CREB5: variants seen among roughly 807,000 people sequenced by gnomAD.
The protein encoded by CREB5 is cAMP responsive element binding protein 5, also known as cyclic AMP-responsive element-binding protein 5.
A neutral mutation model predicts 57.1 loss-of-function variants in CREB5; 19 were observed. The observed-to-expected ratio is 0.33, with a 90% CI of 0.23 to 0.49. CREB5 has a LOEUF of 0.49. Ranked by LOEUF, CREB5 falls within the 20% of genes least tolerant of loss-of-function variation. CREB5 has a pLI of 0.99. For missense variants in CREB5, 579 were observed against 671.6 expected (o/e 0.86, Z 1.52); for synonymous variants, 238 against 238.3 (o/e 1.00, Z 0.01).
rs534132989 is a variant in CREB5, at chr7:28,717,818, G to A, written c.465-935G>A. Among the ~76,000 whole-genome samples, 5 of 152,244 alleles carry A rather than the reference G, an allele frequency of 3.3e-5. No individual in the cohort carries two copies. In the South Asian group the frequency reaches 1.0e-3, roughly 32 times the overall value. The stretch of plus-strand genomic sequence containing the variant: ...TTTTGTTTTGTTTGTTTGTTGTTAG[G>A]TCTTTAATTAAATGATTTGACATTT... On this transcript the variant is annotated intron_variant, in intron 5 of 10. Coordinates refer to ENST00000357727, the MANE Select transcript of CREB5 (RefSeq NM_182898.4).
At chr7:28,481,216 G>A (rs1479356718) in intron 1 of CREB5, among the ~76,000 whole-genome samples, 1 of 152,202 alleles carries the variant, frequency 6.6e-6, no homozygotes, top group African/African-American at 2.4e-5. Context: ...GGCCTCATTG[G>A]AAGGGAACTT....
At chr7:28,730,065 G>A (rs1179146776) in intron 7 of CREB5, among the ~76,000 whole-genome samples, 5 of 152,214 alleles carry the variant, frequency 3.3e-5, no homozygotes, top group African/African-American at 1.2e-4. Context: ...AAACACCGTG[G>A]TAGAGAGTAG....
At chr7:28,672,518 A>G (rs183930138) in intron 5 of CREB5, among the ~76,000 whole-genome samples, 13 of 152,324 alleles carry the variant, frequency 8.5e-5, no homozygotes, top group African/African-American at 3.1e-4. Flanking sequence ...ATAACGTACT[A>G]TAAAATAGGC....
At chr7:28,396,642 TA>T (rs2127998876) in intron 1 of CREB5, among the ~76,000 whole-genome samples, 1 of 152,318 alleles carries the variant, frequency 6.6e-6, no homozygotes, top group South Asian at 2.1e-4. Context: ...ACAGGAAATA[TA>T]TTTTTTTCTA....
chr7:28,514,088 A>G (rs1441068307), intron 4 of CREB5, among the ~76,000 whole-genome samples: 1 of 152,228 alleles, frequency 6.6e-6, no homozygotes, highest in African/African-American at 2.4e-5. Flanking sequence ...ATATTTGTTC[A>G]TCATCTCCCT....
At chr7:28,659,381 T>C (rs1175524692) in intron 5 of CREB5, among the ~76,000 whole-genome samples, 6 of 152,158 alleles carry the variant, frequency 3.9e-5, no homozygotes, top group Non-Finnish European at 8.8e-5. Flanking sequence ...TTTCCAATTA[T>C]GAGGAAGTTT....
At chr7:28,711,636 T>A (rs1802404255) in intron 5 of CREB5, among the ~76,000 whole-genome samples, 1 of 152,198 alleles carries the variant, frequency 6.6e-6, no homozygotes, top group Admixed American at 6.5e-5. Context: ...GGGGAACTAG[T>A]TTTGTTCCAT....
At chr7:28,329,602 T>C (rs36028660) in intron 1 of CREB5, among the ~76,000 whole-genome samples, 25,395 of 152,208 alleles carry the variant, frequency 0.17, 2,227 homozygotes, top group East Asian at 0.26. Context: ...ATTGCTGGAA[T>C]ATGGTGTGTG....
chr7:28,818,221 TTTTTGCCACTAAG>T, intron 10 of CREB5, 42 bp downstream of exon 10: 1 of 1,423,536 alleles, frequency 7.0e-7, no homozygotes, highest in Non-Finnish European at 9.9e-7. Context: ...TGTCCAATAT[TTTTTGCCACTAAG>T]TTTGCACTGA....
chr7:28,721,703 A>T (rs565887021), intron 6 of CREB5, among the ~76,000 whole-genome samples: 1 of 152,206 alleles, frequency 6.6e-6, no homozygotes, highest in Non-Finnish European at 1.5e-5. Flanking sequence ...AGCACCTTCT[A>T]TGTGCCAAGT....
rs1194965624 is a variant in CREB5 at position 28,824,015 on chromosome 7, T to C, written c.*4736T>C. 1.3e-5 allele frequency: 2 copies of C among 152,654 alleles called. No individual in the cohort carries two copies. The highest frequency in any genetic ancestry group is 2.9e-5 in the Non-Finnish European group (2 of 68,050). The allele number at this position is 152,654 out of a possible 1,614,324, so 9.5% of individuals were successfully genotyped here. A position where few individuals can be genotyped will look rare whatever the true frequency, so the allele number is the denominator to read the frequency against. On this transcript the variant is annotated 3_prime_UTR_variant, in exon 11 of 11. Coordinates refer to ENST00000357727, the MANE Select transcript of CREB5 (RefSeq NM_182898.4). ...TATTCTCTTTCTAACCTCTTCTCTG[T>C]CCTCAAACTTGCCTTTGCTCTCCTT...
intron 5 of CREB5, among the ~76,000 whole-genome samples, chr7:28,678,920 A>G (rs547910612): frequency 6.6e-6 from 1 of 152,350 alleles, no homozygotes; most frequent in Admixed American, 6.5e-5. Flanking sequence ...GTTATTAGAT[A>G]GACACAGAGC....
intron 1 of CREB5, among the ~76,000 whole-genome samples, chr7:28,478,275 A>T (rs565944007): frequency 2.0e-5 from 3 of 152,082 alleles, no homozygotes; most frequent in African/African-American, 7.2e-5. Context: ...GTACAATACG[A>T]GCTAGGCATG....
chr7:28,591,405 G>A lies in CREB5; in HGVS notation c.464+20868G>A, dbSNP rs555999937. On this transcript the variant is annotated intron_variant, in intron 5 of 10. Transcript: ENST00000357727. The stretch of plus-strand genomic sequence containing the variant: ...TCCCCCTCTGTCCTTCCCAGGCCTC[G>A]TGTTTTATGGTGGTTTGCTTAGTAC... Among the ~76,000 whole-genome samples, 71 of 152,186 alleles carry A rather than the reference G, an allele frequency of 4.7e-4. No homozygotes were observed. The South Asian group carries it at 8.1e-3, about 17-fold the overall frequency.
At chr7:28,726,420 A>C (rs1368611786) in intron 7 of CREB5, among the ~76,000 whole-genome samples, 1 of 152,060 alleles carries the variant, frequency 6.6e-6, no homozygotes. Context: ...TTATGCTTGC[A>C]TTTTTACTGG....
In CREB5 at chr7:28,730,327, C is replaced by T. The variant is rs551189415; in HGVS notation, c.702+5995C>T. 1.7e-3 allele frequency among the ~76,000 whole-genome samples: 257 copies of T among 151,492 alleles called. 1 individual carries two copies. Among genetic ancestry groups the T allele is most frequent in the African/African-American group, 5.8e-3 (240 of 41,178 alleles). ...TAGGTGGTGCAGCTAGTAACTAGGA[C>T]TGCAGATGCGCCACCACACCCAGAT... is the stretch of plus-strand genomic sequence containing the variant. On this transcript the variant is annotated intron_variant, in intron 7 of 10. Transcript: ENST00000357727.
chr7:28,322,351 A>T (rs1487290495), intron 1 of CREB5, among the ~76,000 whole-genome samples: 1 of 152,180 alleles, frequency 6.6e-6, no homozygotes, highest in Non-Finnish European at 1.5e-5. Flanking sequence ...GGTGAGGGGA[A>T]ACATGGAAGC....
intron 4 of CREB5, among the ~76,000 whole-genome samples, chr7:28,555,298 A>G (rs111365735): frequency 2.6e-5 from 4 of 152,342 alleles, no homozygotes; most frequent in African/African-American, 9.6e-5. Context: ...CTACCCAGAG[A>G]AATCAATACT....
At chr7:28,688,293 G>A (rs982953175) in intron 5 of CREB5, among the ~76,000 whole-genome samples, 1 of 152,138 alleles carries the variant, frequency 6.6e-6, no homozygotes, top group African/African-American at 2.4e-5. Context: ...TAGACAAGGG[G>A]GAGAATTCAC....
Sources: allele counts gnomAD v4.1 joint callset (sites outside exome capture counted in the v4.1 genomes callset), GRCh38; gene constraint gnomAD v4.1.1; transcripts MANE v1.5; gene names NCBI Gene and HGNC (gene_info 2026-07-23, HGNC 2026-07-21).